The following BCAT1 variants were observed in gnomAD, a reference collection of about 807,000 sequenced individuals.
BCAT1 encodes branched-chain-amino-acid aminotransferase, cytosolic.
In BCAT1, 48 loss-of-function variants were observed where a neutral mutation model predicts 52.4. The ratio of observed to expected loss-of-function variants is 0.92; its 90% confidence interval spans 0.73 to 1.16. The LOEUF is 1.16. Among genes scored for constraint, BCAT1 ranks in the 50% most tolerant of loss-of-function variants. BCAT1 has a pLI of 0.00. For synonymous variants in BCAT1, 167 were observed against 161.3 expected (o/e 1.04, Z -0.27); for missense variants, 451 against 457.1 (o/e 0.99, Z 0.12).
chr12:24,942,943 A>G (rs557523514), intron 1 of BCAT1, among the ~76,000 whole-genome samples: 1 of 152,362 alleles, frequency 6.6e-6, no homozygotes, highest in South Asian at 2.1e-4. Context: ...CTCTTGAACT[A>G]AAAGTGGAGA....
intron 1 of BCAT1, among the ~76,000 whole-genome samples, chr12:24,909,914 A>G (rs1943288954): frequency 6.6e-6 from 1 of 152,140 alleles, no homozygotes; most frequent in African/African-American, 2.4e-5. Context: ...TGCAACATCC[A>G]GCATCACTGT....
At chr12:24,909,918 T>C (rs1943289012) in intron 1 of BCAT1, among the ~76,000 whole-genome samples, 1 of 152,086 alleles carries the variant, frequency 6.6e-6, no homozygotes, top group Non-Finnish European at 1.5e-5. Context: ...ACATCCAGCA[T>C]CACTGTCAGC....
In BCAT1 at chr12:24,849,963, G is replaced by C. The variant is rs1157925021; in HGVS notation, c.511-14C>G. The C allele has an allele frequency of 6.9e-6, 11 of 1,596,600 alleles. No individual in the cohort carries two copies. Among genetic ancestry groups the C allele is most frequent in the Non-Finnish European group, 8.6e-6 (10 of 1,167,904 alleles). On this transcript the variant is annotated splice_polypyrimidine_tract_variant and intron_variant, in intron 5 of 10. Coordinates refer to ENST00000261192, the MANE Select transcript of BCAT1 (RefSeq NM_005504.7). ...TCCAAGAGAAGGCTGCAACAAAGTA[G>C]AAGTACATACAACTGTAACTTAAAA...
chr12:24,915,582 T>C (rs1255202589), intron 1 of BCAT1, among the ~76,000 whole-genome samples: 1 of 152,114 alleles, frequency 6.6e-6, no homozygotes. Context: ...TGCTCTACCG[T>C]GAAGCTACAT....
At chr12:24,898,722 G>T (rs1475811479) in intron 2 of BCAT1, among the ~76,000 whole-genome samples, 1 of 151,492 alleles carries the variant, frequency 6.6e-6, no homozygotes, top group Non-Finnish European at 1.5e-5. Context: ...CACCATGTTG[G>T]CCAGGCTAGT....
At chr12:24,942,309 G>A (rs1943861548) in intron 1 of BCAT1, among the ~76,000 whole-genome samples, 1 of 152,130 alleles carries the variant, frequency 6.6e-6, no homozygotes, top group Non-Finnish European at 1.5e-5. Context: ...GGGAGGCCAA[G>A]GCGGGCGGAT....
chr12:24,823,261 G>A (rs1307155571), intron 10 of BCAT1, among the ~76,000 whole-genome samples: 1 of 151,998 alleles, frequency 6.6e-6, no homozygotes, highest in African/African-American at 2.4e-5. Flanking sequence ...TTTTTGTAGA[G>A]ACAGGGATTT....
At chr12:24,825,609 A>C (rs961922676) in intron 10 of BCAT1, among the ~76,000 whole-genome samples, 1 of 152,032 alleles carries the variant, frequency 6.6e-6, no homozygotes, top group African/African-American at 2.4e-5. Context: ...TCTTTTGAGA[A>C]ATGTCCATTC....
At chr12:24,890,830 T>C (rs1413964350) in intron 3 of BCAT1, among the ~76,000 whole-genome samples, 2 of 152,230 alleles carry the variant, frequency 1.3e-5, no homozygotes. Flanking sequence ...ACTTTCTTAA[T>C]AAATTTTATT....
rs765582096 is a variant in BCAT1 at position 24,881,398 on chromosome 12, A to G, written c.293T>C (p.Leu98Ser). 16 of 1,607,764 alleles carry G rather than the reference A, an allele frequency of 1.0e-5. No individual in the cohort carries two copies. In the East Asian group the frequency reaches 3.1e-4, roughly 31 times the overall value. ...ATTATCTACTCCTCGAAATGCCTTC[A>G]ATCCTTCAAATAACTGGAGATCAAA... is the stretch of plus-strand genomic sequence containing the variant. ...LHYAVELFEG[L>S]KAFRGVDNKI... Residue 98 changes from leucine (L) to serine (S), a missense_variant, in exon 4 of 11, where the codon TTG becomes TCG. Coordinates refer to ENST00000261192, the MANE Select transcript of BCAT1 (RefSeq NM_005504.7).
At chr12:24,866,160 C>G (rs1053880221) in intron 5 of BCAT1, among the ~76,000 whole-genome samples, 1 of 152,200 alleles carries the variant, frequency 6.6e-6, no homozygotes, top group African/African-American at 2.4e-5. Context: ...TGGCAGGCCC[C>G]ACATTCGGAG....
intron 8 of BCAT1, 106 bp downstream of exon 8, chr12:24,836,405 T>G: frequency 1.1e-6 from 1 of 936,898 alleles, no homozygotes; most frequent in Non-Finnish European, 1.6e-6. Flanking sequence ...AAAGATTAGA[T>G]AACATTGGTT....
chr12:24,857,060 A>G (rs1941708926), intron 5 of BCAT1, among the ~76,000 whole-genome samples: 1 of 152,172 alleles, frequency 6.6e-6, no homozygotes, highest in Non-Finnish European at 1.5e-5. Flanking sequence ...TCGGAGGAGC[A>G]ATGGAGACTG....
At position 24,813,711 on chromosome 12, in the gene BCAT1, G is replaced by T. The variant is rs374524555; in HGVS notation, c.*4297C>A. 1 of 152,032 alleles carries T rather than the reference G, an allele frequency of 6.6e-6. No individual in the cohort carries two copies. Among genetic ancestry groups the T allele is most frequent in the African/African-American group, 2.4e-5 (1 of 41,418 alleles). The allele number at this position is 152,032 out of a possible 1,614,324, so 9.4% of individuals were successfully genotyped here. A position where few individuals can be genotyped will look rare whatever the true frequency, so the allele number is the denominator to read the frequency against. On this transcript the variant is annotated 3_prime_UTR_variant, in exon 11 of 11. Coordinates refer to ENST00000261192, the MANE Select transcript of BCAT1 (RefSeq NM_005504.7). ...AACACCAACCTTATTAAGTAGTTTT[G>T]CACTAGAAGAAAGGAAGGAATTAAA...
intron 10 of BCAT1, among the ~76,000 whole-genome samples, chr12:24,826,306 T>C (rs1316262069): frequency 2.6e-5 from 4 of 152,232 alleles, no homozygotes; most frequent in African/African-American, 9.6e-5. Context: ...TTTCATTTGA[T>C]TTCTGTGTAT....
intron 3 of BCAT1, among the ~76,000 whole-genome samples, chr12:24,887,634 T>G (rs1399289527): frequency 6.6e-6 from 1 of 152,244 alleles, no homozygotes; most frequent in African/African-American, 2.4e-5. Flanking sequence ...CTGTTCTATT[T>G]CTTTATCTGG....
chr12:24,933,815 C>T (rs1178478760), intron 1 of BCAT1, among the ~76,000 whole-genome samples: 2 of 151,994 alleles, frequency 1.3e-5, no homozygotes, highest in South Asian at 2.1e-4. Context: ...CGGCGGGTGG[C>T]GAATGCACCA....
At chr12:24,879,810 A>C (rs1346968264) in intron 4 of BCAT1, among the ~76,000 whole-genome samples, 1 of 152,230 alleles carries the variant, frequency 6.6e-6, no homozygotes, top group Non-Finnish European at 1.5e-5. Flanking sequence ...AGGCACTAAT[A>C]AACTGTACAA....
intron 2 of BCAT1, among the ~76,000 whole-genome samples, chr12:24,895,380 G>T (rs566539592): frequency 6.6e-6 from 1 of 152,140 alleles, no homozygotes; most frequent in East Asian, 1.9e-4. Flanking sequence ...CTAAAAATTA[G>T]CCAGGCGTGG....
Sources: allele counts gnomAD v4.1 joint callset (sites outside exome capture counted in the v4.1 genomes callset), GRCh38; gene constraint gnomAD v4.1.1; transcripts MANE v1.5; gene names NCBI Gene and HGNC (gene_info 2026-07-23, HGNC 2026-07-21).